SCNN1G: variants seen among roughly 807,000 people sequenced by gnomAD.
SCNN1G encodes epithelial sodium channel subunit gamma.
Under a neutral mutation model 64.6 loss-of-function variants are expected in SCNN1G, and 27 were observed. That is an observed-to-expected ratio of 0.42 (90% CI 0.31 to 0.58). SCNN1G has a LOEUF of 0.58. Ranked by LOEUF, SCNN1G falls within the 20% of genes least tolerant of loss-of-function variation. The probability of loss-of-function intolerance (pLI) is 0.18; values close to 1 mark genes in which losing one functional copy is unlikely to be tolerated. For synonymous variants in SCNN1G, 330 were observed against 314.2 expected (o/e 1.05, Z -0.53); for missense variants, 743 against 823.4 (o/e 0.90, Z 1.19).
chr16:23,212,795 G>A (rs764229922), intron 9 of SCNN1G, 39 bp downstream of exon 9: 22 of 1,613,440 alleles, frequency 1.4e-5, no homozygotes, highest in Non-Finnish European at 1.7e-5. Flanking sequence ...TGGCTGGGTT[G>A]GGTTGGGCTG....
At chr16:23,199,704 C>T (rs1959857180) in intron 6 of SCNN1G, among the ~76,000 whole-genome samples, 1 of 106,794 alleles carries the variant, frequency 9.4e-6, no homozygotes, top group Non-Finnish European at 1.7e-5. Flanking sequence ...CAGAGTGTCA[C>T]TCTGTCACCC....
intron 6 of SCNN1G, among the ~76,000 whole-genome samples, chr16:23,201,005 A>G (rs1959879866): frequency 6.6e-6 from 1 of 152,208 alleles, no homozygotes; most frequent in Admixed American, 6.5e-5. Flanking sequence ...ATGGGAGGGA[A>G]GTAATGTGTA....
rs553873297 is a variant in SCNN1G, at chr16:23,184,852, G to A, written c.-44-1376G>A. On this transcript the variant is annotated intron_variant, in intron 1 of 12. Coordinates refer to ENST00000300061, the MANE Select transcript of SCNN1G (RefSeq NM_001039.4). Reference sequence around the variant, plus strand: ...CCTCTCTGGTCCTGGGGACCACCCTGTATGCCCTAGGATATGTCCTAATTT... The same window carrying A: ...CCTCTCTGGTCCTGGGGACCACCCTATATGCCCTAGGATATGTCCTAATTT... Among the ~76,000 whole-genome samples, 161 of 152,258 alleles carry A rather than the reference G, an allele frequency of 1.1e-3. 3 individuals carry two copies. In the South Asian group the frequency reaches 0.012, roughly 11 times the overall value.
At chr16:23,210,805 GA>G in intron 7 of SCNN1G, among the ~76,000 whole-genome samples, 1 of 152,074 alleles carries the variant, frequency 6.6e-6, no homozygotes, top group Non-Finnish European at 1.5e-5. Context: ...ACAAAGGTAG[GA>G]AGATCACTTG....
intron 6 of SCNN1G, among the ~76,000 whole-genome samples, 183 bp downstream of exon 6, chr16:23,197,610 T>C (rs963537414): frequency 2.6e-5 from 4 of 152,176 alleles, no homozygotes. Flanking sequence ...TTGTATCTTC[T>C]GGCCGGCTGC....
rs72646501 is a variant in SCNN1G at position 23,192,509 on chromosome 16, C to T, written c.776C>T (p.Thr259Ile). 1.2e-6 allele frequency: 2 copies of T among 1,612,622 alleles called. No individual in the cohort carries two copies. Among genetic ancestry groups the T allele is most frequent in the Non-Finnish European group, 1.7e-6 (2 of 1,179,980 alleles). Residue 259 changes from threonine (T) to isoleucine (I), a missense_variant, in exon 4 of 13, where the codon ACC (threonine) becomes ATC (isoleucine). Physicochemically the swap from Thr to Ile is moderately conservative, Grantham distance 89 (BLOSUM62 -1). Coordinates refer to ENST00000300061, the MANE Select transcript of SCNN1G (RefSeq NM_001039.4). ...MSYSAEELLV[T>I]CFFDGVSCDA... The stretch of plus-strand genomic sequence containing the variant: ...TATTCTGCTGAGGAGCTGCTGGTGA[C>T]CTGCTTCTTTGATGGAGTGTCCTGT...
intron 5 of SCNN1G, among the ~76,000 whole-genome samples, chr16:23,194,642 C>A (rs968247098): frequency 6.6e-6 from 1 of 152,160 alleles, no homozygotes; most frequent in East Asian, 1.9e-4. Flanking sequence ...GAAGTAGACG[C>A]ACATTTATCT....
chr16:23,189,715 G>A (rs571619936), intron 3 of SCNN1G, 44 bp downstream of exon 3: 2 of 1,583,816 alleles, frequency 1.3e-6, no homozygotes, highest in Non-Finnish European at 1.7e-6. Context: ...AGGGGCATGG[G>A]ATGGGCTGGG....
rs1349054540 is a variant in SCNN1G, at chr16:23,215,327, C to G, written c.1808C>G (p.Pro603Arg). The G allele has an allele frequency of 1.2e-5, 20 of 1,614,138 alleles. No homozygotes were observed. The highest frequency in any genetic ancestry group is 1.7e-5 in the Non-Finnish European group (20 of 1,180,018). Residue 603 changes from proline to arginine, a missense_variant, in exon 13 of 13, where the codon CCC becomes CGC. Transcript: ENST00000300061. The stretch of plus-strand genomic sequence containing the variant: ...GCCCTGGATATAGACGATGACCTAC[C>G]CACTTTCAACTCTGCTTTGCACCTG... ...NPALDIDDDL[P>R]TFNSALHLPP... is the part of the protein sequence containing the mutation.
At chr16:23,183,263 C>T (rs778877378) in intron 1 of SCNN1G, among the ~76,000 whole-genome samples, 49 of 152,216 alleles carry the variant, frequency 3.2e-4, no homozygotes, top group Non-Finnish European at 4.6e-4. Context: ...AGCCGGCGCT[C>T]CCCCGGGGCA....
chr16:23,204,668 T>G (rs777771044), intron 6 of SCNN1G, among the ~76,000 whole-genome samples: 2 of 151,976 alleles, frequency 1.3e-5, no homozygotes, highest in African/African-American at 2.4e-5. Flanking sequence ...CTTTTTCACA[T>G]GCAAAATAGT....
intron 2 of SCNN1G, among the ~76,000 whole-genome samples, chr16:23,187,496 G>A (rs1359026023): frequency 6.6e-6 from 1 of 152,090 alleles, no homozygotes; most frequent in East Asian, 1.9e-4. Flanking sequence ...GGCCTGGAAC[G>A]AACTAACCCC....
At position 23,215,727 on chromosome 16, in the gene SCNN1G, G is replaced by A. The variant is rs1262360408; in HGVS notation, c.*258G>A. 5.3e-6 allele frequency: 3 copies of A among 561,520 alleles called. No homozygotes were observed. The African/African-American group carries it at 5.7e-5, about 11-fold the overall frequency. The allele number at this position is 561,520 out of a possible 1,614,324, so 34.8% of individuals were successfully genotyped here. Reference sequence around the variant, plus strand: ...GACCTGAACTATTAGCACGTCACTAGAGACTGGGAGCCGAGGCAGTGGTGC... The same window carrying A: ...GACCTGAACTATTAGCACGTCACTAAAGACTGGGAGCCGAGGCAGTGGTGC... On this transcript the variant is annotated 3_prime_UTR_variant, in exon 13 of 13. Transcript: ENST00000300061.
intron 6 of SCNN1G, among the ~76,000 whole-genome samples, chr16:23,203,931 T>C (rs1959934815): frequency 6.6e-6 from 1 of 151,776 alleles, no homozygotes; most frequent in African/African-American, 2.4e-5. Context: ...ATTTAATGAG[T>C]TGGTGCATGT....
At chr16:23,186,206 C>T (rs954373696) in intron 1 of SCNN1G, 22 bp from the exon 2 acceptor site, 46 of 1,525,868 alleles carry the variant, frequency 3.0e-5, no homozygotes, top group Non-Finnish European at 4.0e-5. Flanking sequence ...AGCTCACCTG[C>T]TTCTCTTCTT....
intron 5 of SCNN1G, 33 bp from the exon 6 acceptor site, chr16:23,197,231 C>T: frequency 6.2e-7 from 1 of 1,603,632 alleles, no homozygotes; most frequent in Non-Finnish European, 8.5e-7. Flanking sequence ...TTTTCCTAGC[C>T]TTGGATCACA....
chr16:23,211,391 C>T (rs190421536), intron 7 of SCNN1G, among the ~76,000 whole-genome samples: 61 of 152,322 alleles, frequency 4.0e-4, no homozygotes, highest in Middle Eastern at 3.4e-3. Flanking sequence ...GTTTATTTCT[C>T]TCTGTTTCTT....
rs759602946 is a variant in SCNN1G at position 23,189,358 on chromosome 16, C to A, written c.318-13C>A. On this transcript the variant is annotated splice_polypyrimidine_tract_variant and intron_variant, in intron 2 of 12. Transcript: ENST00000300061. Reference sequence around the variant, plus strand: ...CCTCCCCTCTCCCTGACTTTTCCTCCCCACCTTGGCAGGTACAGCACCGTT... The same window carrying A: ...CCTCCCCTCTCCCTGACTTTTCCTCACCACCTTGGCAGGTACAGCACCGTT... 1 of 1,612,404 alleles carries A rather than the reference C, an allele frequency of 6.2e-7. No homozygotes were observed. Among genetic ancestry groups the A allele is most frequent in the Non-Finnish European group, 8.5e-7 (1 of 1,179,982 alleles).
rs1359353866 is a variant in SCNN1G at position 23,216,336 on chromosome 16, T to A, written c.*867T>A. On this transcript the variant is annotated 3_prime_UTR_variant, in exon 13 of 13. Coordinates refer to ENST00000300061, the MANE Select transcript of SCNN1G (RefSeq NM_001039.4). ...TCACTTTGGGTGGGGAGGGGGAGCA[T>A]GGTGGGCCATGCTCTGGGCAGCTGT... 1.3e-5 allele frequency: 2 copies of A among 152,210 alleles called. No individual in the cohort carries two copies. The highest frequency in any genetic ancestry group is 2.9e-5 in the Non-Finnish European group (2 of 68,130). 9.4% of individuals were successfully genotyped at this position (152,210 alleles called of 1,614,324 possible).
Sources: allele counts gnomAD v4.1 joint callset (sites outside exome capture counted in the v4.1 genomes callset), GRCh38; gene constraint gnomAD v4.1.1; transcripts MANE v1.5; gene names NCBI Gene and HGNC (gene_info 2026-07-23, HGNC 2026-07-21).